CNTN5: variants seen among roughly 807,000 people sequenced by gnomAD.
The protein encoded by CNTN5 is contactin 5.
In CNTN5, 77 loss-of-function variants were observed where a neutral mutation model predicts 129.1. The observed-to-expected ratio is 0.60, with a 90% CI of 0.50 to 0.72. The LOEUF (loss-of-function observed/expected upper bound fraction) is 0.72. CNTN5 is among the 30% of genes least tolerant of loss of function. CNTN5 has a pLI of 0.00. For missense variants in CNTN5, 1,478 were observed against 1,328.8 expected, an observed-to-expected ratio of 1.11 and a Z score of -1.75; for synonymous variants, 509 against 465.6, an observed-to-expected ratio of 1.09 and a Z score of -1.20.
chr11:99,313,331 C>A (rs1488625693), intron 1 of CNTN5, among the ~76,000 whole-genome samples: 2 of 152,000 alleles, frequency 1.3e-5, no homozygotes, highest in African/African-American at 4.8e-5. Context: ...TGCTTTCACA[C>A]AGATTTTCAC....
At chr11:99,244,689 G>T (rs1000103031) in intron 1 of CNTN5, among the ~76,000 whole-genome samples, 1 of 152,122 alleles carries the variant, frequency 6.6e-6, no homozygotes, top group Non-Finnish European at 1.5e-5. Flanking sequence ...CTGCTACTGA[G>T]TCCTACTACA....
chr11:99,700,220 T>A (rs1268122504), intron 3 of CNTN5, among the ~76,000 whole-genome samples: 1 of 151,422 alleles, frequency 6.6e-6, no homozygotes, highest in East Asian at 1.9e-4. Flanking sequence ...TGGGACTGAA[T>A]GTTAAATATT....
intron 13 of CNTN5, among the ~76,000 whole-genome samples, chr11:100,164,673 G>T (rs1947567924): frequency 6.6e-6 from 1 of 151,724 alleles, no homozygotes; most frequent in Non-Finnish European, 1.5e-5. Context: ...GAATAAAAAT[G>T]ATAAAACTGC....
At chr11:100,273,236 A>G (rs908583109) in intron 18 of CNTN5, among the ~76,000 whole-genome samples, 3 of 152,026 alleles carry the variant, frequency 2.0e-5, no homozygotes, top group South Asian at 4.1e-4. Flanking sequence ...GGCGGCTCCT[A>G]TGGCCACTCA....
chr11:99,126,587 A>G (rs1858646046), intron 1 of CNTN5, among the ~76,000 whole-genome samples: 1 of 152,172 alleles, frequency 6.6e-6, no homozygotes, highest in South Asian at 2.1e-4. Context: ...AATGATAAAA[A>G]TGAAGTTGGG....
At chr11:100,249,852 G>T (rs1949927978) in intron 16 of CNTN5, among the ~76,000 whole-genome samples, 2 of 152,042 alleles carry the variant, frequency 1.3e-5, no homozygotes, top group South Asian at 4.1e-4. Context: ...ATATATACAA[G>T]AAGCTTATGC....
At chr11:100,305,932 C>T (rs893986886) in intron 20 of CNTN5, among the ~76,000 whole-genome samples, 3 of 145,678 alleles carry the variant, frequency 2.1e-5, no homozygotes, top group South Asian at 4.3e-4. Context: ...CTAATACTAA[C>T]GATAGCTGAT....
intron 13 of CNTN5, among the ~76,000 whole-genome samples, chr11:100,116,327 G>T (rs1168360432): frequency 6.6e-6 from 1 of 151,882 alleles, no homozygotes; most frequent in Non-Finnish European, 1.5e-5. Flanking sequence ...AACCAGTTAA[G>T]CAAAAAGAAG....
intron 13 of CNTN5, among the ~76,000 whole-genome samples, chr11:100,149,360 A>G (rs1946968246): frequency 6.6e-6 from 1 of 152,212 alleles, no homozygotes; most frequent in Non-Finnish European, 1.5e-5. Flanking sequence ...AGTTTATTCA[A>G]ATTGAATCAA....
chr11:99,194,008 T>C (rs760358357), intron 1 of CNTN5, among the ~76,000 whole-genome samples: 1 of 152,128 alleles, frequency 6.6e-6, no homozygotes, highest in Non-Finnish European at 1.5e-5. Flanking sequence ...ATCAATAACG[T>C]AATAAAAAGA....
intron 6 of CNTN5, among the ~76,000 whole-genome samples, chr11:99,857,046 C>G (rs1028129002): frequency 1.3e-5 from 2 of 149,862 alleles, no homozygotes; most frequent in African/African-American, 2.5e-5. Flanking sequence ...CTCTCTCTCT[C>G]CCTCCCTCCC....
chr11:100,106,611 T>C lies in CNTN5; in HGVS notation c.1580+32317T>C, dbSNP rs140803640. ...ACAGTTTAAATTGTACATTGTATGA[T>C]TGTAAAACCATTATATAAATGAAAA... On this transcript the variant is annotated intron_variant, in intron 13 of 24. Transcript: ENST00000524871. Among the ~76,000 whole-genome samples the C allele has an allele frequency of 4.6e-5, 7 of 152,274 alleles. No homozygotes were observed. The East Asian group carries it at 9.7e-4, about 21-fold the overall frequency.
At chr11:100,094,897 G>A (rs896953905) in intron 13 of CNTN5, among the ~76,000 whole-genome samples, 5 of 152,028 alleles carry the variant, frequency 3.3e-5, no homozygotes, top group African/African-American at 1.2e-4. Context: ...ATGAGAATTT[G>A]TTGCTCACCT....
Position 99,742,573 on chromosome 11 carries a change from C to T in CNTN5, c.56-76971C>T, listed in dbSNP as rs536715228. On this transcript the variant is annotated intron_variant, in intron 3 of 24. Transcript: ENST00000524871. ...TTTCTAGCTCTAAAACACTTTAATT[C>T]TGTCATTTATAGCTTTGTTTTTAAA... is the stretch of plus-strand genomic sequence containing the variant. Among the ~76,000 whole-genome samples the T allele has an allele frequency of 2.6e-5, 4 of 152,160 alleles. No homozygotes were observed. In the South Asian group the frequency reaches 8.3e-4, roughly 32 times the overall value.
intron 3 of CNTN5, among the ~76,000 whole-genome samples, chr11:99,623,326 C>T (rs1446789969): frequency 1.3e-5 from 2 of 151,994 alleles, no homozygotes; most frequent in Non-Finnish European, 1.5e-5. Context: ...AACTGGATCC[C>T]AGGGCTCAAA....
intron 3 of CNTN5, among the ~76,000 whole-genome samples, chr11:99,627,254 C>G (rs2135786733): frequency 6.6e-6 from 1 of 152,226 alleles, no homozygotes; most frequent in East Asian, 1.9e-4. Context: ...GCCCTTCCAA[C>G]AGTTTTTAAA....
At chr11:99,741,851 A>G (rs1484683528) in intron 3 of CNTN5, among the ~76,000 whole-genome samples, 1 of 152,104 alleles carries the variant, frequency 6.6e-6, no homozygotes, top group African/African-American at 2.4e-5. Flanking sequence ...GGTGTTATAC[A>G]TTATTATATA....
chr11:99,067,409 A>G (rs989095347), intron 1 of CNTN5, among the ~76,000 whole-genome samples: 5 of 144,204 alleles, frequency 3.5e-5, no homozygotes, highest in African/African-American at 1.3e-4. Context: ...AGGGAAGCAG[A>G]CAATCAATGT....
intron 3 of CNTN5, among the ~76,000 whole-genome samples, chr11:99,583,199 G>A (rs894031606): frequency 6.6e-6 from 1 of 152,192 alleles, no homozygotes; most frequent in Non-Finnish European, 1.5e-5. Flanking sequence ...TGTCTCAGAG[G>A]AGTACCCGGC....
Sources: allele counts gnomAD v4.1 joint callset (sites outside exome capture counted in the v4.1 genomes callset), GRCh38; gene constraint gnomAD v4.1.1; transcripts MANE v1.5; gene names NCBI Gene and HGNC (gene_info 2026-07-23, HGNC 2026-07-21).